Variants in NRP1 observed in about 807,000 individuals in gnomAD.
NRP1 encodes neuropilin-1.
Under a neutral mutation model 106.7 loss-of-function variants are expected in NRP1, and 35 were observed. That is an observed-to-expected ratio of 0.33 (90% CI 0.25 to 0.43). NRP1 has a LOEUF of 0.43. Ranked by LOEUF, NRP1 falls within the 20% of genes least tolerant of loss-of-function variation. The pLI is 1.00. For synonymous variants in NRP1, 437 were observed against 417.9 expected (o/e 1.05, Z -0.56); for missense variants, 1,024 against 1,170.4 (o/e 0.87, Z 1.83).
chr10:33,267,592 G>A (rs937221435), intron 3 of NRP1, among the ~76,000 whole-genome samples: 5 of 147,866 alleles, frequency 3.4e-5, no homozygotes, highest in East Asian at 4.1e-4. Flanking sequence ...ACCCACCCCC[G>A]TCCCCCGTCC....
At chr10:33,207,883 T>G (rs921408866) in intron 9 of NRP1, among the ~76,000 whole-genome samples, 167 bp from the exon 10 acceptor site, 4 of 152,174 alleles carry the variant, frequency 2.6e-5, no homozygotes, top group Admixed American at 2.0e-4. Flanking sequence ...AAAAAACAAT[T>G]AAAGCTTCTC....
chr10:33,222,604 T>G (rs1183432099), intron 7 of NRP1, among the ~76,000 whole-genome samples: 1 of 152,046 alleles, frequency 6.6e-6, no homozygotes, highest in African/African-American at 2.4e-5. Flanking sequence ...CACTGCGGCC[T>G]CCGCCTCCCG....
chr10:33,207,196 G>T (rs977676971), intron 10 of NRP1, among the ~76,000 whole-genome samples: 19 of 152,108 alleles, frequency 1.2e-4, no homozygotes, highest in Admixed American at 3.3e-4. Context: ...GAAATATTTT[G>T]GAACTAGAAA....
chr10:33,307,899 T>C (rs1435740485), intron 2 of NRP1, among the ~76,000 whole-genome samples: 2 of 152,144 alleles, frequency 1.3e-5, no homozygotes, highest in Non-Finnish European at 2.9e-5. Flanking sequence ...CATTCTACCA[T>C]AAAGACACAT....
chr10:33,221,601 G>T, intron 8 of NRP1, 118 bp downstream of exon 8: 2 of 1,154,836 alleles, frequency 1.7e-6, no homozygotes, highest in Non-Finnish European at 2.5e-6. Context: ...GCTTTTAATT[G>T]TCAAATAAAA....
At chr10:33,255,825 G>A (rs887769279) in intron 5 of NRP1, among the ~76,000 whole-genome samples, 3 of 152,134 alleles carry the variant, frequency 2.0e-5, no homozygotes, top group Non-Finnish European at 4.4e-5. Context: ...TTGAGGAAGG[G>A]TTGAGTTAGC....
chr10:33,213,766 T>A, intron 8 of NRP1, 49 bp from the exon 9 acceptor site: 1 of 1,370,260 alleles, frequency 7.3e-7, no homozygotes. Flanking sequence ...CCTGGGCGAC[T>A]CCATGCTAAG....
At position 33,270,803 on chromosome 10, in the gene NRP1, C is replaced by T. The variant is rs200028992; in HGVS notation, c.302G>A (p.Gly101Glu). The change falls in exon 3 of 17, where the codon GGA becomes GAA. Residue 101 changes from glycine to glutamate, a missense_variant. By Grantham distance (98) the Gly-to-Glu change is moderately conservative (BLOSUM62 -2). Around this residue, in one of 5 missense-constraint regions of NRP1, gnomAD observed 279 missense variants for 327.4 expected, o/e 0.85. Coordinates refer to ENST00000374867, the MANE Select transcript of NRP1 (RefSeq NM_003873.7). ...AGGGGCTATCTTTCCACAGAACTTT[C>T]CCCTAAAATGTCCATTTTCATTTTC... is the stretch of plus-strand genomic sequence containing the variant. ...DGENENGHFR[G>E]KFCGKIAPPP... 3.1e-6 allele frequency: 5 copies of T among 1,613,728 alleles called. No individual in the cohort carries two copies. The highest frequency in any genetic ancestry group is 4.2e-6 in the Non-Finnish European group (5 of 1,179,836).
chr10:33,311,363 GC>G (rs1472470347), intron 2 of NRP1, among the ~76,000 whole-genome samples: 1 of 152,180 alleles, frequency 6.6e-6, no homozygotes, highest in Non-Finnish European at 1.5e-5. Context: ...AGGTGGGCCT[GC>G]CTTGGGGGCT....
intron 6 of NRP1, chr10:33,249,281 G>C (rs1460506252): frequency 3.1e-6 from 1 of 318,838 alleles, no homozygotes; most frequent in Admixed American, 4.5e-5. Flanking sequence ...CAATGGCTAC[G>C]TTCAGGATCT....
chr10:33,315,716 GAGAA>G (rs71030054), intron 2 of NRP1, among the ~76,000 whole-genome samples: 83,781 of 151,736 alleles, frequency 0.55, 27,066 homozygotes, highest in Non-Finnish European at 0.7. Context: ...TCAGAGGACG[GAGAA>G]AGAAAGACCG....
intron 2 of NRP1, among the ~76,000 whole-genome samples, chr10:33,324,381 C>T (rs1847739903): frequency 6.6e-6 from 1 of 152,024 alleles, no homozygotes; most frequent in Non-Finnish European, 1.5e-5. Context: ...CACCAGAGAT[C>T]AAAACCAGAA....
intron 2 of NRP1, among the ~76,000 whole-genome samples, chr10:33,296,643 C>G (rs1221157368): frequency 6.6e-6 from 1 of 152,154 alleles, no homozygotes; most frequent in Admixed American, 6.5e-5. Context: ...CAAGGCTTCA[C>G]CCCTAGATTG....
intron 2 of NRP1, among the ~76,000 whole-genome samples, chr10:33,293,844 A>G (rs1220434448): frequency 1.3e-5 from 2 of 152,206 alleles, no homozygotes; most frequent in Non-Finnish European, 1.5e-5. Context: ...GATTTTATCA[A>G]TTTCTGAATA....
At chr10:33,263,506 A>C (rs1380825823) in intron 4 of NRP1, 140 bp downstream of exon 4, 1 of 618,250 alleles carries the variant, frequency 1.6e-6, no homozygotes. Context: ...CACTGCTCTG[A>C]ATATAGAGAG....
chr10:33,304,157 GA>G (rs1434412090), intron 2 of NRP1, among the ~76,000 whole-genome samples: 1 of 152,176 alleles, frequency 6.6e-6, no homozygotes, highest in African/African-American at 2.4e-5. Flanking sequence ...GAAAATAACG[GA>G]AAGACATCAT....
At chr10:33,185,566 T>A (rs1367291912) in intron 15 of NRP1, 62 bp downstream of exon 15, 2 of 1,251,872 alleles carry the variant, frequency 1.6e-6, no homozygotes, top group African/African-American at 3.0e-5. Context: ...AAGACCATCA[T>A]ATTGGCAAGA....
At chr10:33,305,243 C>A (rs1846066853) in intron 2 of NRP1, among the ~76,000 whole-genome samples, 2 of 152,122 alleles carry the variant, frequency 1.3e-5, no homozygotes, top group Non-Finnish European at 2.9e-5. Flanking sequence ...TTTTGTGCAC[C>A]TTTCAAGTCA....
rs547006798 is a variant in NRP1, at chr10:33,320,923, T to C, written c.248+9785A>G. On this transcript the variant is annotated intron_variant, in intron 2 of 16. Transcript: ENST00000374867. ...GAGTGCTGCAGTCAGACTGTCACAT[T>C]AACTGGAATTTGTCAACTTGACTGG... Among the ~76,000 whole-genome samples, 14 of 150,818 alleles carry C rather than the reference T, an allele frequency of 9.3e-5. No individual in the cohort carries two copies. The East Asian group carries it at 1.7e-3, about 19-fold the overall frequency.
Sources: allele counts gnomAD v4.1 joint callset (sites outside exome capture counted in the v4.1 genomes callset), GRCh38; gene constraint gnomAD v4.1.1; regional missense constraint gnomAD v4.1.1; transcripts MANE v1.5; gene names NCBI Gene and HGNC (gene_info 2026-07-23, HGNC 2026-07-21).